The following LPIN2 variants were observed in gnomAD, a reference collection of about 807,000 sequenced individuals.
LPIN2 encodes lipin 2, also known as phosphatidate phosphatase LPIN2.
A neutral mutation model predicts 111.4 loss-of-function variants in LPIN2; 55 were observed. The ratio of observed to expected loss-of-function variants is 0.49; its 90% CI spans 0.40 to 0.62. The LOEUF (loss-of-function observed/expected upper bound fraction) is 0.62. LPIN2 is among the 20% of genes least tolerant of loss of function. The pLI is 0.00. For synonymous variants in LPIN2, 425 were observed against 414.0 expected (o/e 1.03, Z -0.32); for missense variants, 992 against 1,112.1 (o/e 0.89, Z 1.54).
intron 8 of LPIN2, among the ~76,000 whole-genome samples, chr18:2,933,921 G>A (rs1446105286): frequency 1.3e-5 from 2 of 152,216 alleles, no homozygotes; most frequent in Admixed American, 1.3e-4. Context: ...ACCCAGACCC[G>A]GTTCAGAAAA....
chr18:2,928,162 A>G (rs2077163083), intron 11 of LPIN2, among the ~76,000 whole-genome samples: 1 of 152,220 alleles, frequency 6.6e-6, no homozygotes, highest in Non-Finnish European at 1.5e-5. Context: ...ATTAAAAACC[A>G]ATTGTGAGTT....
intron 8 of LPIN2, 148 bp from the exon 9 acceptor site, chr18:2,931,591 T>C (rs150371362): frequency 2.6e-6 from 2 of 754,744 alleles, no homozygotes; most frequent in African/African-American, 1.7e-5. Flanking sequence ...TTTTCTTAGA[T>C]AGGGTTTAGA....
chr18:2,984,024 C>A (rs146723134), intron 1 of LPIN2, among the ~76,000 whole-genome samples: 1 of 152,216 alleles, frequency 6.6e-6, no homozygotes, highest in Non-Finnish European at 1.5e-5. Flanking sequence ...AATATACTAG[C>A]TGATCCACAT....
At chr18:2,930,468 G>C (rs372485423) in intron 9 of LPIN2, among the ~76,000 whole-genome samples, 4 of 152,130 alleles carry the variant, frequency 2.6e-5, no homozygotes, top group African/African-American at 9.7e-5. Flanking sequence ...AAGACTTCAG[G>C]AACACATGGT....
At position 2,939,520 on chromosome 18, in the gene LPIN2, T is replaced by A; in HGVS notation, c.782A>T (p.His261Leu). The A allele has an allele frequency of 6.2e-7, 1 of 1,614,006 alleles. No homozygotes were observed. The highest frequency in any genetic ancestry group is 1.1e-5 in the South Asian group (1 of 91,084). Residue 261 changes from histidine (H) to leucine (L), a missense_variant, in exon 6 of 20, where the codon CAC (histidine) becomes CTC (leucine). His to Leu is a moderately conservative substitution (Grantham distance 99). This residue lies in a region of LPIN2 where 709 missense variants were observed against 753.2 expected (regional missense o/e 0.94). Transcript: ENST00000677752. ...PAESLLRSES[H>L]MEWTWGGFPE... ...GAATCCGCCCCACGTCCACTCCATG[T>A]GAGACTCTGATCTGAGCAGGCTCTC...
intron 1 of LPIN2, among the ~76,000 whole-genome samples, chr18:2,978,413 G>C (rs1274724282): frequency 6.6e-6 from 1 of 152,092 alleles, no homozygotes; most frequent in African/African-American, 2.4e-5. Context: ...AAGGACTTTT[G>C]AGGTATTTTG....
intron 1 of LPIN2, among the ~76,000 whole-genome samples, chr18:2,995,147 T>G (rs1368130995): frequency 6.6e-6 from 1 of 150,818 alleles, no homozygotes; most frequent in Admixed American, 6.7e-5. Flanking sequence ...AAATGCTAGT[T>G]TTCTTTTTTC....
chr18:2,999,323 G>A (rs951571167), intron 1 of LPIN2, among the ~76,000 whole-genome samples: 5 of 152,004 alleles, frequency 3.3e-5, no homozygotes, highest in African/African-American at 7.3e-5. Context: ...TGGTCCAGGC[G>A]CCGTGGCCCA....
At position 2,918,876 on chromosome 18, in the gene LPIN2, G is replaced by C. The variant is rs745743898; in HGVS notation, c.*1417C>G. 1 of 152,146 alleles carries C rather than the reference G, an allele frequency of 6.6e-6. No individual in the cohort carries two copies. Among genetic ancestry groups the C allele is most frequent in the South Asian group, 2.1e-4 (1 of 4,826 alleles). The allele number at this position is 152,146 out of a possible 1,614,324, so 9.4% of individuals were successfully genotyped here. A position where few individuals can be genotyped will look rare whatever the true frequency, so the allele number is the denominator to read the frequency against. ...GGCAGGGGCATGAAGAGTTGGCCAC[G>C]AGACCACCCCGAGCGCCAAGCCTGT... On this transcript the variant is annotated 3_prime_UTR_variant, in exon 20 of 20. Transcript: ENST00000677752.
chr18:3,004,669 G>A (rs16944190), intron 1 of LPIN2, among the ~76,000 whole-genome samples: 4,337 of 152,200 alleles, frequency 0.028, 187 homozygotes, highest in African/African-American at 0.098. Flanking sequence ...GACATACCAC[G>A]TCTCACATAG....
chr18:2,987,861 A>C (rs1163295342), intron 1 of LPIN2, among the ~76,000 whole-genome samples: 2 of 152,004 alleles, frequency 1.3e-5, no homozygotes, highest in Admixed American at 1.3e-4. Flanking sequence ...CAACACAGTG[A>C]AACCTCATCT....
intron 2 of LPIN2, among the ~76,000 whole-genome samples, chr18:2,955,019 G>A (rs866197969): frequency 4.6e-5 from 7 of 152,202 alleles, no homozygotes; most frequent in African/African-American, 1.4e-4. Flanking sequence ...CAACTTCACC[G>A]ACAGCTCTTC....
At chr18:2,924,633 G>T in intron 14 of LPIN2, 87 bp from the exon 15 acceptor site, 1 of 1,394,148 alleles carries the variant, frequency 7.2e-7, no homozygotes, top group Non-Finnish European at 1.0e-6. Flanking sequence ...TGGTGTCTCG[G>T]AATCCCAACA....
chr18:2,924,564 G>C lies in LPIN2; in HGVS notation c.1939-18C>G. On this transcript the variant is annotated intron_variant, in intron 14 of 19. Coordinates refer to ENST00000677752, the MANE Select transcript of LPIN2 (RefSeq NM_001375808.2). ...AGTTTTGCCTTTTAAAAAAGCATAA[G>C]AATAAAGAAAATCAGCTGAAAACAT... is the stretch of plus-strand genomic sequence containing the variant. The C allele has an allele frequency of 6.2e-7, 1 of 1,613,512 alleles. No homozygotes were observed. Among genetic ancestry groups the C allele is most frequent in the Non-Finnish European group, 8.5e-7 (1 of 1,179,452 alleles).
intron 16 of LPIN2, among the ~76,000 whole-genome samples, chr18:2,922,500 C>T (rs1227605314): frequency 1.3e-5 from 2 of 152,240 alleles, no homozygotes; most frequent in East Asian, 3.9e-4. Context: ...TGGTCTTAAG[C>T]TCCTAACCTC....
At chr18:2,947,086 T>G (rs2077464686) in intron 4 of LPIN2, among the ~76,000 whole-genome samples, 1 of 152,166 alleles carries the variant, frequency 6.6e-6, no homozygotes, top group Non-Finnish European at 1.5e-5. Flanking sequence ...GAGCAGTAGG[T>G]GCTATCTGTG....
chr18:2,961,605 A>C (rs1440906713), intron 1 of LPIN2, among the ~76,000 whole-genome samples: 1 of 152,202 alleles, frequency 6.6e-6, no homozygotes, highest in East Asian at 1.9e-4. Flanking sequence ...AAAGGCTCAA[A>C]GGAGAGGAAG....
At chr18:2,927,685 TTC>T (rs1289527984) in intron 12 of LPIN2, 35 bp downstream of exon 12, 11 of 1,601,786 alleles carry the variant, frequency 6.9e-6, no homozygotes, top group Non-Finnish European at 9.4e-6. Context: ...ATTCATTTCT[TTC>T]AGCCCACGGA....
intron 1 of LPIN2, among the ~76,000 whole-genome samples, chr18:2,989,057 C>T (rs1165491335): frequency 6.6e-6 from 1 of 151,970 alleles, no homozygotes; most frequent in Non-Finnish European, 1.5e-5. Context: ...TAAGCCATAC[C>T]CTGGAATTAA....
Sources: allele counts gnomAD v4.1 joint callset (sites outside exome capture counted in the v4.1 genomes callset), GRCh38; gene constraint gnomAD v4.1.1; regional missense constraint gnomAD v4.1.1; transcripts MANE v1.5; gene names NCBI Gene and HGNC (gene_info 2026-07-23, HGNC 2026-07-21).